CSMD3: variants seen among roughly 807,000 people sequenced by gnomAD.
The protein encoded by CSMD3 is CUB and Sushi multiple domains 3.
In CSMD3, 177 loss-of-function variants were observed where a neutral mutation model predicts 435.2. That is an observed-to-expected ratio of 0.41 (90% CI 0.36 to 0.46). The LOEUF (loss-of-function observed/expected upper bound fraction) is 0.46. Ranked by LOEUF, CSMD3 falls within the 20% of genes least tolerant of loss-of-function variation. CSMD3 has a pLI of 0.34. For missense variants in CSMD3, 4,265 were observed against 4,504.6 expected, an observed-to-expected ratio of 0.95 and a Z score of 1.52; for synonymous variants, 1,656 against 1,520.5, an observed-to-expected ratio of 1.09 and a Z score of -2.07.
intron 4 of CSMD3, among the ~76,000 whole-genome samples, chr8:113,110,198 C>G (rs1405167086): frequency 6.6e-6 from 1 of 152,166 alleles, no homozygotes; most frequent in Non-Finnish European, 1.5e-5. Context: ...CCTTCCTGTT[C>G]TCTCCTGTAC....
chr8:113,324,809 G>A (rs774038762), intron 1 of CSMD3, among the ~76,000 whole-genome samples: 5 of 152,204 alleles, frequency 3.3e-5, no homozygotes, highest in Non-Finnish European at 7.3e-5. Flanking sequence ...GCCCATGAAA[G>A]CAGCCAGGAG....
intron 11 of CSMD3, among the ~76,000 whole-genome samples, chr8:112,846,064 T>G (rs2080308743): frequency 6.6e-6 from 1 of 152,000 alleles, no homozygotes; most frequent in Non-Finnish European, 1.5e-5. Flanking sequence ...TGCCTTTCTT[T>G]TACTTAATTT....
intron 4 of CSMD3, among the ~76,000 whole-genome samples, chr8:113,112,478 C>CGT (rs1480408594): frequency 3.5e-4 from 29 of 81,846 alleles, no homozygotes; most frequent in African/African-American, 1.6e-3. Context: ...CACACGTACA[C>CGT]ACACACACAC....
chr8:113,163,345 C>T (rs1442949056), intron 4 of CSMD3, among the ~76,000 whole-genome samples: 1 of 151,894 alleles, frequency 6.6e-6, no homozygotes, highest in Non-Finnish European at 1.5e-5. Context: ...TACAAGGATT[C>T]AGCAACAAAA....
chr8:112,884,895 C>CT (rs1347870208), intron 10 of CSMD3, among the ~76,000 whole-genome samples: 6 of 151,308 alleles, frequency 4.0e-5, no homozygotes, highest in East Asian at 2.0e-4. Context: ...AATTAAATAC[C>CT]TTTTTTTTCC....
intron 61 of CSMD3, among the ~76,000 whole-genome samples, chr8:112,259,273 A>G (rs1485577429): frequency 5.3e-5 from 8 of 152,170 alleles, no homozygotes; most frequent in Admixed American, 4.6e-4. Flanking sequence ...AAAAAGGATG[A>G]GTTATTGTCC....
At chr8:112,508,825 T>C (rs1055428322) in intron 28 of CSMD3, among the ~76,000 whole-genome samples, 3 of 152,084 alleles carry the variant, frequency 2.0e-5, no homozygotes. Flanking sequence ...ACTAAGCTTT[T>C]TGAAGGGGAC....
At chr8:112,912,895 C>A (rs2082465252) in intron 10 of CSMD3, among the ~76,000 whole-genome samples, 1 of 151,852 alleles carries the variant, frequency 6.6e-6, no homozygotes, top group Admixed American at 6.6e-5. Context: ...TAAGAATGGA[C>A]AAATGATTGA....
intron 22 of CSMD3, among the ~76,000 whole-genome samples, chr8:112,610,169 C>T (rs1218167148): frequency 1.3e-5 from 2 of 152,036 alleles, no homozygotes; most frequent in Admixed American, 6.6e-5. Context: ...TAAATATTCT[C>T]ATCATGCACA....
At chr8:112,847,022 A>G (rs1206960598) in intron 11 of CSMD3, among the ~76,000 whole-genome samples, 1 of 151,900 alleles carries the variant, frequency 6.6e-6, no homozygotes, top group Non-Finnish European at 1.5e-5. Flanking sequence ...TTTCCATCTA[A>G]TTGTTTTGTA....
intron 1 of CSMD3, among the ~76,000 whole-genome samples, chr8:113,386,405 T>C (rs1172402032): frequency 6.6e-6 from 1 of 151,954 alleles, no homozygotes; most frequent in Non-Finnish European, 1.5e-5. Flanking sequence ...GTAAGGTGAT[T>C]TTGAATATGA....
At chr8:112,532,212 C>A (rs917461126) in intron 27 of CSMD3, among the ~76,000 whole-genome samples, 1 of 151,534 alleles carries the variant, frequency 6.6e-6, no homozygotes, top group Non-Finnish European at 1.5e-5. Flanking sequence ...AGAAGGCTTA[C>A]GAGATTTAGA....
intron 28 of CSMD3, among the ~76,000 whole-genome samples, chr8:112,515,744 A>G (rs1340890530): frequency 6.6e-6 from 1 of 152,074 alleles, no homozygotes; most frequent in Non-Finnish European, 1.5e-5. Context: ...GCAGAGATCT[A>G]GAACTGTCCG....
chr8:112,845,792 T>A (rs2132551568), intron 11 of CSMD3, among the ~76,000 whole-genome samples: 1 of 152,192 alleles, frequency 6.6e-6, no homozygotes, highest in South Asian at 2.1e-4. Context: ...GAGAGGGAGT[T>A]AAACAACTTC....
intron 32 of CSMD3, among the ~76,000 whole-genome samples, chr8:112,410,996 CTCTTTCTTTCTA>C (rs1471279914): frequency 4.2e-5 from 6 of 142,900 alleles, no homozygotes; most frequent in Non-Finnish European, 9.4e-5. Flanking sequence ...CATCCTTTAA[CTCTTTCTTTCTA>C]TTAGAAAACA....
At chr8:112,420,573 A>C (rs1812377460) in intron 32 of CSMD3, among the ~76,000 whole-genome samples, 1 of 152,136 alleles carries the variant, frequency 6.6e-6, no homozygotes, top group African/African-American at 2.4e-5. Context: ...TTAATATATA[A>C]AATCTATAAC....
In CSMD3 at chr8:112,241,793, A is replaced by G; in HGVS notation, c.10403-8T>C. On this transcript the variant is annotated splice_region_variant and splice_polypyrimidine_tract_variant and intron_variant, in intron 65 of 70. Transcript: ENST00000297405. ...CCAATATTTTAGAACCAGCTATGAA[A>G]AGAAATAAAGGTGTTTACAAAAGTT... The G allele has an allele frequency of 6.2e-7, 1 of 1,604,954 alleles. No homozygotes were observed. Among genetic ancestry groups the G allele is most frequent in the African/African-American group, 1.3e-5 (1 of 74,758 alleles).
chr8:113,348,275 G>C (rs2094165434), intron 1 of CSMD3, among the ~76,000 whole-genome samples: 1 of 152,096 alleles, frequency 6.6e-6, no homozygotes. Context: ...TTTTATCACA[G>C]CACTGTGAGG....
At chr8:112,632,076 A>C (rs2074529992) in intron 22 of CSMD3, among the ~76,000 whole-genome samples, 1 of 151,994 alleles carries the variant, frequency 6.6e-6, no homozygotes, top group Non-Finnish European at 1.5e-5. Context: ...AAGTAAATAG[A>C]ATTTGTTTCA....
Sources: allele counts gnomAD v4.1 joint callset (sites outside exome capture counted in the v4.1 genomes callset), GRCh38; gene constraint gnomAD v4.1.1; transcripts MANE v1.5; gene names NCBI Gene and HGNC (gene_info 2026-07-23, HGNC 2026-07-21).